Variants in ERBB2 observed in about 807,000 individuals in gnomAD.
ERBB2 encodes the protein erb-b2 receptor tyrosine kinase 2.
In ERBB2, 61 loss-of-function variants were observed where a neutral mutation model predicts 149.0. The observed-to-expected ratio is 0.41, with a 90% CI of 0.33 to 0.51. ERBB2 has a LOEUF of 0.51. ERBB2 is among the 20% of genes least tolerant of loss of function. ERBB2 has a pLI of 0.25. For missense variants in ERBB2, 1,205 were observed against 1,655.1 expected (o/e 0.73, Z 4.72); for synonymous variants, 633 against 678.8 (o/e 0.93, Z 1.05).
rs2143256280 is a variant in ERBB2, at chr17:39,727,508, G to A, written c.3373G>A (p.Asp1125Asn). 1 of 1,607,930 alleles carries A rather than the reference G, an allele frequency of 6.2e-7. No individual in the cohort carries two copies. Among genetic ancestry groups the A allele is most frequent in the Non-Finnish European group, 8.5e-7 (1 of 1,178,282 alleles). The part of the protein sequence containing the change: ...DPTVPLPSET[D>N]GYVAPLTCSP... ...CACAGTACCCCTGCCCTCTGAGACT[G>A]ATGGCTACGTTGCCCCCCTGACCTG... The change falls in exon 26 of 27, where the codon GAT becomes AAT. Residue 1125 changes from aspartate to asparagine, a missense_variant. This residue lies in a region of ERBB2 where 312 missense variants were observed against 343.8 expected (regional missense o/e 0.91). Coordinates refer to ENST00000269571, the MANE Select transcript of ERBB2 (RefSeq NM_004448.4). The surrounding 1 kb of genome is among the most constrained non-coding windows in gnomAD (Gnocchi z 4.3).
chr17:39,712,308 C>T lies in ERBB2; in HGVS notation c.1022-14C>T, dbSNP rs1406808593. 1.2e-6 allele frequency: 2 copies of T among 1,613,286 alleles called. No individual in the cohort carries two copies. Among genetic ancestry groups the T allele is most frequent in the African/African-American group, 1.3e-5 (1 of 74,940 alleles). On this transcript the variant is annotated splice_polypyrimidine_tract_variant and intron_variant, in intron 8 of 26. Transcript: ENST00000269571. The stretch of plus-strand genomic sequence containing the variant: ...CTGAGACGGCCCCTTCCCCACCCAC[C>T]CCCACCTCCTCAGTGTGCTATGGTC...
At chr17:39,708,047 A>C (rs2058557845) in intron 2 of ERBB2, 2 of 364,342 alleles carry the variant, frequency 5.5e-6, no homozygotes, top group African/African-American at 4.2e-5. Context: ...CTTTGCTTTC[A>C]CTGATGAAGA....
upstream of ERBB2, among the ~76,000 whole-genome samples, chr17:39,694,265 ATATGTG>A (rs1567888164): frequency 1.1e-4 from 3 of 26,302 alleles, no homozygotes; most frequent in African/African-American, 3.5e-4. Flanking sequence ...ATATATATAT[ATATGTG>A]TGTATATATA....
At chr17:39,717,656 C>T (rs2059213452) in intron 15 of ERBB2, 176 bp downstream of exon 15, 1 of 535,986 alleles carries the variant, frequency 1.9e-6, no homozygotes, top group Non-Finnish European at 3.2e-6. Context: ...AATGCCCTAG[C>T]AGTTCTATCC....
chr17:39,711,173 T>G (rs1249802474), intron 7 of ERBB2, among the ~76,000 whole-genome samples: 1 of 151,230 alleles, frequency 6.6e-6, no homozygotes, highest in African/African-American at 2.4e-5. Context: ...GTGCTGGGAT[T>G]ACAGGCGTGA....
At position 39,726,669 on chromosome 17, in the gene ERBB2, C is replaced by T. The variant is rs746102442; in HGVS notation, c.2970+10C>T. The stretch of plus-strand genomic sequence containing the variant: ...CTTTGTGGTCATCCAGGTACTGGGC[C>T]TCTGTGCCCCATCCCTGCCTGTGGC... On this transcript the variant is annotated intron_variant, in intron 24 of 26. Transcript: ENST00000269571. This position sits in a 1 kb window ranked among gnomAD's most constrained non-coding sequence, Gnocchi z 5.1. 6.2e-7 allele frequency: 1 copy of T among 1,612,520 alleles called. No individual in the cohort carries two copies. Among genetic ancestry groups the T allele is most frequent in the Non-Finnish European group, 8.5e-7 (1 of 1,178,456 alleles).
Position 39,700,298 on chromosome 17 carries a change from C to A in ERBB2, c.60C>A (p.Ala20=). 4 of 1,426,380 alleles carry A rather than the reference C, an allele frequency of 2.8e-6. No homozygotes were observed. The highest frequency in any genetic ancestry group is 3.7e-6 in the Non-Finnish European group (4 of 1,091,698). The allele number at this position is 1,426,380 out of a possible 1,614,324, so 88.4% of individuals were successfully genotyped here. A position where few individuals can be genotyped will look rare whatever the true frequency, so the allele number is the denominator to read the frequency against. Residue 20 remains alanine (A), a synonymous_variant, in exon 1 of 27, where the codon GCC becomes GCA. Coordinates refer to ENST00000269571, the MANE Select transcript of ERBB2 (RefSeq NM_004448.4). The stretch of plus-strand genomic sequence containing the variant: ...TCCTCGCCCTCTTGCCCCCCGGAGC[C>A]GCGAGCACCCAAGGTGGGTCTGGTG... ...GLLLALLPPG[A]ASTQVCTGTD...
Position 39,726,959 on chromosome 17 carries a change from G to A in ERBB2, c.3115G>A (p.Ala1039Thr), listed in dbSNP as rs566053951. Residue 1039 changes from alanine (A) to threonine (T), a missense_variant, in exon 25 of 27, where the codon GCT becomes ACT. Coordinates refer to ENST00000269571, the MANE Select transcript of ERBB2 (RefSeq NM_004448.4). This position sits in a 1 kb window ranked among gnomAD's most constrained non-coding sequence, Gnocchi z 5.1. ...CTTCTGTCCAGACCCTGCCCCGGGC[G>A]CTGGGGGCATGGTCCACCACAGGCA... Reference protein sequence around the residue: ...GFFCPDPAPGAGGMVHHRHRS... With the variant: ...GFFCPDPAPGTGGMVHHRHRS... The A allele has an allele frequency of 4.9e-4, 783 of 1,611,374 alleles. 7 individuals carry two copies. In the South Asian group the frequency reaches 8.2e-3, roughly 17 times the overall value.
intron 12 of ERBB2, 80 bp from the exon 13 acceptor site, chr17:39,716,221 G>T: frequency 6.9e-7 from 1 of 1,459,428 alleles, no homozygotes; most frequent in East Asian, 2.5e-5. Flanking sequence ...CCACAGCCAT[G>T]CCCACAGCCA....
In ERBB2 at chr17:39,715,310, G is replaced by A. The variant is rs769257889; in HGVS notation, c.1173G>A (p.Pro391=). 9.9e-6 allele frequency: 16 copies of A among 1,613,820 alleles called. No homozygotes were observed. Among genetic ancestry groups the A allele is most frequent in the South Asian group, 4.4e-5 (4 of 91,056 alleles). ...GGGACCCAGCCTCCAACACTGCCCCGCTCCAGCCAGAGCAGCTCCAAGTGT... is the reference window on the plus strand; with the variant it reads ...GGGACCCAGCCTCCAACACTGCCCCACTCCAGCCAGAGCAGCTCCAAGTGT... ...FDGDPASNTA[P]LQPEQLQVFE... is the part of the protein sequence containing the mutation. Residue 391 remains proline, a synonymous_variant, in exon 10 of 27, where the codon CCG becomes CCA. Coordinates refer to ENST00000269571, the MANE Select transcript of ERBB2 (RefSeq NM_004448.4).
At position 39,715,284 on chromosome 17, in the gene ERBB2, A is replaced by G. The variant is rs113869581; in HGVS notation, c.1149-2A>G. ...TGCTGACTCCTCTCCTGACCCCTCC[A>G]GGGACCCAGCCTCCAACACTGCCCC... On this transcript the variant is annotated splice_acceptor_variant, in intron 9 of 26. Transcript: ENST00000269571. LOFTEE classifies it high-confidence loss of function. 1 of 1,613,842 alleles carries G rather than the reference A, an allele frequency of 6.2e-7. No individual in the cohort carries two copies. The highest frequency in any genetic ancestry group is 8.5e-7 in the Non-Finnish European group (1 of 1,179,852).
At chr17:39,714,621 C>T (rs1054027924) in intron 9 of ERBB2, among the ~76,000 whole-genome samples, 8 of 152,030 alleles carry the variant, frequency 5.3e-5, no homozygotes, top group African/African-American at 1.7e-4. Flanking sequence ...CTGGGTGGCT[C>T]GGGGTTTTAT....
intron 12 of ERBB2, 55 bp from the exon 13 acceptor site, chr17:39,716,246 T>C (rs2145670817): frequency 6.6e-7 from 1 of 1,509,452 alleles, no homozygotes. Flanking sequence ...CCTGGTTCAC[T>C]TGGACCTGGG....
In ERBB2 at chr17:39,723,960, A is replaced by G; in HGVS notation, c.2257A>G (p.Lys753Glu). The G allele has an allele frequency of 6.2e-7, 1 of 1,614,120 alleles. No homozygotes were observed. The highest frequency in any genetic ancestry group is 2.2e-5 in the East Asian group (1 of 44,882). Residue 753 changes from lysine to glutamate, a missense_variant, in exon 19 of 27, where the codon AAA becomes GAA. Lys to Glu is a moderately conservative substitution (Grantham distance 56, BLOSUM62 1). Coordinates refer to ENST00000269571, the MANE Select transcript of ERBB2 (RefSeq NM_004448.4). The surrounding 1 kb of genome is among the most constrained non-coding windows in gnomAD (Gnocchi z 6.2). ...GENVKIPVAI[K>E]VLRENTSPKA... Reference sequence around the variant, plus strand: ...GAATGTGAAAATTCCAGTGGCCATCAAAGTGTTGAGGGAAAACACATCCCC... The same window carrying G: ...GAATGTGAAAATTCCAGTGGCCATCGAAGTGTTGAGGGAAAACACATCCCC...
chr17:39,727,329 C>T lies in ERBB2; in HGVS notation c.3194C>T (p.Pro1065Leu), dbSNP rs2143235287. The T allele has an allele frequency of 1.2e-6, 2 of 1,612,670 alleles. No individual in the cohort carries two copies. The highest frequency in any genetic ancestry group is 1.1e-5 in the South Asian group (1 of 90,938). Residue 1065 changes from proline (P) to leucine (L), a missense_variant, in exon 26 of 27, where the codon CCC becomes CTC. By Grantham distance (98) the Pro-to-Leu change is moderately conservative. Around this residue, in one of 6 missense-constraint regions of ERBB2, gnomAD observed 312 missense variants for 343.8 expected, o/e 0.91. Coordinates refer to ENST00000269571, the MANE Select transcript of ERBB2 (RefSeq NM_004448.4). This position sits in a 1 kb window ranked among gnomAD's most constrained non-coding sequence, Gnocchi z 4.3. ...GGGGACCTGACACTAGGGCTGGAGC[C>T]CTCTGAAGAGGAGGCCCCCAGGTCT... ...GGGDLTLGLE[P>L]SEEEAPRSPL... is the part of the protein sequence containing the mutation.
upstream of ERBB2, among the ~76,000 whole-genome samples, chr17:39,691,938 T>C (rs868144236): frequency 7.2e-6 from 1 of 139,400 alleles, no homozygotes; most frequent in Non-Finnish European, 1.5e-5. Flanking sequence ...CATATACATA[T>C]ATATATATAT....
intron 2 of ERBB2, 51 bp from the exon 3 acceptor site, chr17:39,708,270 T>C: frequency 6.7e-7 from 1 of 1,503,536 alleles, no homozygotes; most frequent in Non-Finnish European, 9.2e-7. Context: ...AGGGAGGCCC[T>C]GGGGGGTGGC....
chr17:39,706,714 G>A (rs962854209), intron 1 of ERBB2: 11 of 329,238 alleles, frequency 3.3e-5, no homozygotes, highest in South Asian at 1.5e-4. Flanking sequence ...ACTGGCGGGC[G>A]AGCTCCCCAG....
At chr17:39,713,626 G>A (rs540473873) in intron 9 of ERBB2, among the ~76,000 whole-genome samples, 4 of 151,826 alleles carry the variant, frequency 2.6e-5, no homozygotes, top group East Asian at 2.0e-4. Flanking sequence ...CCTGGCATGC[G>A]CCTATCATCC....
Sources: allele counts gnomAD v4.1 joint callset (sites outside exome capture counted in the v4.1 genomes callset), GRCh38; gene constraint gnomAD v4.1.1; regional missense constraint gnomAD v4.1.1; non-coding constraint Gnocchi (gnomAD v3.1); transcripts MANE v1.5; gene names NCBI Gene and HGNC (gene_info 2026-07-23, HGNC 2026-07-21).